MFSD1: variants seen among roughly 807,000 people sequenced by gnomAD.
The protein encoded by MFSD1 is lysosomal dipeptide transporter MFSD1.
A neutral mutation model predicts 67.1 loss-of-function variants in MFSD1; 59 were observed. That is an observed-to-expected ratio of 0.88 (90% CI 0.71 to 1.09). The LOEUF is 1.09. MFSD1 is among the 50% of genes least tolerant of loss of function. The pLI is 0.00. For missense variants in MFSD1, 552 were observed against 566.1 expected (o/e 0.97, Z 0.25); for synonymous variants, 213 against 200.3 (o/e 1.06, Z -0.54).
rs774600758 is a variant in MFSD1, at chr3:158,805,510, T to C, written c.329+36T>C. The stretch of plus-strand genomic sequence containing the variant: ...AAAGAAACTATGGGTAAATCTTACC[T>C]GATTGTTAGAAAAATACAGAGCTAG... On this transcript the variant is annotated intron_variant, in intron 3 of 15. Transcript: ENST00000415822. The C allele has an allele frequency of 7.8e-6, 11 of 1,418,118 alleles. 1 individual carries two copies. Among genetic ancestry groups the C allele is most frequent in the Middle Eastern group, 3.5e-4 (2 of 5,716 alleles). The allele number at this position is 1,418,118 out of a possible 1,614,324, so 87.8% of individuals were successfully genotyped here. A position where few individuals can be genotyped will look rare whatever the true frequency, so the allele number is the denominator to read the frequency against.
At chr3:158,819,775 A>AG (rs1730579259) in intron 8 of MFSD1, 28 bp downstream of exon 8, 1 of 1,342,110 alleles carries the variant, frequency 7.5e-7, no homozygotes, top group African/African-American at 1.5e-5. Flanking sequence ...AATGGGACTT[A>AG]GGGGAATTAC....
intron 7 of MFSD1, among the ~76,000 whole-genome samples, chr3:158,818,612 G>GT (rs1445875216): frequency 2.6e-5 from 4 of 152,094 alleles, no homozygotes. Context: ...CATATGCATA[G>GT]TATTTGTCTT....
rs1731197704 is a variant in MFSD1 at position 158,829,436 on chromosome 3, G to C, written c.*454G>C. On this transcript the variant is annotated 3_prime_UTR_variant, in exon 16 of 16. Transcript: ENST00000415822. ...ATTGTCATAGGCCTTCCTTTTACTA[G>C]TAGGGCATAATGCTAGGGAATATGT... The C allele has an allele frequency of 6.5e-6, 1 of 152,692 alleles. No homozygotes were observed. Among genetic ancestry groups the C allele is most frequent in the African/African-American group, 2.4e-5 (1 of 41,458 alleles). The allele number at this position is 152,692 out of a possible 1,614,324, so 9.5% of individuals were successfully genotyped here.
chr3:158,827,391 G>A (rs1731033225), intron 15 of MFSD1, 54 bp downstream of exon 15: 2 of 982,866 alleles, frequency 2.0e-6, no homozygotes, highest in African/African-American at 1.7e-5. Context: ...TTAAATATGA[G>A]CATTTCGTTT....
chr3:158,819,513 G>A, intron 7 of MFSD1, 136 bp from the exon 8 acceptor site: 1 of 482,996 alleles, frequency 2.1e-6, no homozygotes. Context: ...AGTAATTGCA[G>A]ATTTTTCTCG....
chr3:158,825,293 A>G (rs1358440652), intron 13 of MFSD1: 1 of 152,108 alleles, frequency 6.6e-6, no homozygotes, highest in Non-Finnish European at 1.5e-5. Flanking sequence ...GTGATAGCTA[A>G]GACTACAGGT....
intron 15 of MFSD1, among the ~76,000 whole-genome samples, chr3:158,827,712 G>A (rs554398065): frequency 1.3e-5 from 2 of 152,128 alleles, no homozygotes; most frequent in South Asian, 4.1e-4. Flanking sequence ...CACTGCGCCT[G>A]GCCTGGGCTT....
In MFSD1 at chr3:158,822,218, A is replaced by C. The variant is rs1480765302; in HGVS notation, c.1077+78A>C. The C allele has an allele frequency of 2.1e-6, 3 of 1,412,060 alleles. No homozygotes were observed. In the Admixed American group the frequency reaches 5.4e-5, roughly 25 times the overall value. 87.5% of individuals were successfully genotyped at this position (1,412,060 alleles called of 1,614,324 possible). Reference sequence around the variant, plus strand: ...CATGTTCATCTAAGTAGGCACGCTCAGCAAATTCAGATGACAAGGCCTATG... The same window carrying C: ...CATGTTCATCTAAGTAGGCACGCTCCGCAAATTCAGATGACAAGGCCTATG... On this transcript the variant is annotated intron_variant, in intron 11 of 15. Coordinates refer to ENST00000415822, the MANE Select transcript of MFSD1 (RefSeq NM_022736.4).
intron 15 of MFSD1, 86 bp from the exon 16 acceptor site, chr3:158,828,893 G>C: frequency 7.1e-7 from 1 of 1,406,332 alleles, no homozygotes; most frequent in Non-Finnish European, 9.8e-7. Context: ...TACATGTCTT[G>C]TAATGCTTGG....
At chr3:158,825,664 A>G (rs950558597) in intron 13 of MFSD1, among the ~76,000 whole-genome samples, 5 of 152,116 alleles carry the variant, frequency 3.3e-5, no homozygotes, top group Non-Finnish European at 7.4e-5. Flanking sequence ...ATGATAAACA[A>G]TCGGGGGCTG....
intron 7 of MFSD1, 100 bp downstream of exon 7, chr3:158,814,167 G>C: frequency 1.2e-6 from 1 of 831,304 alleles, no homozygotes; most frequent in Non-Finnish European, 1.9e-6. Flanking sequence ...TATCTACTTT[G>C]GTTATAGTGT....
chr3:158,813,339 G>A (rs1226578011), intron 6 of MFSD1, among the ~76,000 whole-genome samples: 3 of 151,734 alleles, frequency 2.0e-5, no homozygotes, highest in African/African-American at 7.3e-5. Context: ...GTAGAGACAG[G>A]GTTTCACCAT....
chr3:158,826,957 C>CATTTCCTTTA (rs1731000043), intron 14 of MFSD1, among the ~76,000 whole-genome samples: 1 of 152,150 alleles, frequency 6.6e-6, no homozygotes, highest in Admixed American at 6.5e-5. Flanking sequence ...CACACCTGTT[C>CATTTCCTTTA]ATTTCCTTTA....
intron 7 of MFSD1, among the ~76,000 whole-genome samples, chr3:158,817,252 A>G (rs1730414460): frequency 1.3e-5 from 2 of 152,188 alleles, no homozygotes; most frequent in Non-Finnish European, 2.9e-5. Context: ...TGGCCAGGGC[A>G]ATTAGGCAGG....
intron 1 of MFSD1, chr3:158,802,531 G>A (rs1391042938): frequency 1.4e-6 from 1 of 718,984 alleles, no homozygotes; most frequent in Non-Finnish European, 2.5e-6. Flanking sequence ...TCGAGGGACT[G>A]AGCTGGGCGA....
chr3:158,817,424 T>C (rs1294163314), intron 7 of MFSD1, among the ~76,000 whole-genome samples: 1 of 152,122 alleles, frequency 6.6e-6, no homozygotes, highest in Non-Finnish European at 1.5e-5. Context: ...AATCAATGTA[T>C]AAAAATTTCA....
chr3:158,826,448 T>C (rs1730968464), intron 14 of MFSD1, among the ~76,000 whole-genome samples: 1 of 151,990 alleles, frequency 6.6e-6, no homozygotes, highest in African/African-American at 2.4e-5. Flanking sequence ...AGATGTTTGG[T>C]TTAGAATTAG....
intron 9 of MFSD1, 120 bp from the exon 10 acceptor site, chr3:158,821,477 G>A (rs73017579): frequency 0.013 from 8,590 of 651,050 alleles, 306 homozygotes; most frequent in African/African-American, 0.095. Context: ...TATAAATAAG[G>A]TGGGAGAATA....
chr3:158,818,990 G>A (rs750194238), intron 7 of MFSD1, among the ~76,000 whole-genome samples: 1 of 152,174 alleles, frequency 6.6e-6, no homozygotes, highest in South Asian at 2.1e-4. Context: ...ATTTTCAACC[G>A]GGCTGTGGTA....
Sources: allele counts gnomAD v4.1 joint callset (sites outside exome capture counted in the v4.1 genomes callset), GRCh38; gene constraint gnomAD v4.1.1; transcripts MANE v1.5; gene names NCBI Gene and HGNC (gene_info 2026-07-23, HGNC 2026-07-21).